ANO4: variants seen among roughly 807,000 people sequenced by gnomAD.
The protein encoded by ANO4 is anoctamin-4.
Under a neutral mutation model 141.9 loss-of-function variants are expected in ANO4, and 69 were observed. The ratio of observed to expected loss-of-function variants is 0.49; its 90% CI spans 0.40 to 0.59. The LOEUF is 0.59. Ranked by LOEUF, ANO4 falls within the 20% of genes least tolerant of loss-of-function variation. The probability of loss-of-function intolerance (pLI) is 0.00; values close to 1 mark genes in which losing one functional copy is unlikely to be tolerated. For synonymous variants in ANO4, 350 were observed against 394.3 expected (o/e 0.89, Z 1.33); for missense variants, 894 against 1,162.2 (o/e 0.77, Z 3.36).
At chr12:101,089,097 A>G (rs2049633788) in intron 17 of ANO4, among the ~76,000 whole-genome samples, 1 of 152,100 alleles carries the variant, frequency 6.6e-6, no homozygotes, top group Non-Finnish European at 1.5e-5. Context: ...AAGGCCAACT[A>G]ATTTAATACT....
intron 23 of ANO4, 137 bp from the exon 24 acceptor site, chr12:101,111,426 T>G: frequency 1.3e-6 from 1 of 754,306 alleles, no homozygotes; most frequent in Non-Finnish European, 2.0e-6. Flanking sequence ...AAATCTTTCC[T>G]CCTGGTTGCA....
chr12:100,951,510 A>G (rs2042968627), intron 5 of ANO4, among the ~76,000 whole-genome samples: 1 of 152,274 alleles, frequency 6.6e-6, no homozygotes, highest in Non-Finnish European at 1.5e-5. Flanking sequence ...GCTATTAAAA[A>G]GAACAAGATC....
chr12:101,097,564 A>G (rs2050033995), intron 19 of ANO4, 87 bp from the exon 20 acceptor site: 4 of 1,288,198 alleles, frequency 3.1e-6, no homozygotes, highest in African/African-American at 1.5e-5. Flanking sequence ...AGTCATTCAC[A>G]TTGGAGAATG....
chr12:101,104,615 GTATGTATGTGTGTATATATATATATATA>G (rs1349772946), intron 22 of ANO4, among the ~76,000 whole-genome samples: 1 of 66,090 alleles, frequency 1.5e-5, no homozygotes, highest in African/African-American at 8.5e-5. Context: ...GTGTGTGTGT[GTATGTATGTGTGTATATATATATATATA>G]TATATATATA....
chr12:100,890,190 A>G (rs1415029497), intron 1 of ANO4, among the ~76,000 whole-genome samples: 2 of 152,158 alleles, frequency 1.3e-5, no homozygotes, highest in Admixed American at 6.5e-5. Context: ...TTAAACTCCC[A>G]TTTTGTAAAA....
chr12:100,987,488 G>T, intron 7 of ANO4, 51 bp from the exon 8 acceptor site: 1 of 1,593,702 alleles, frequency 6.3e-7, no homozygotes, highest in South Asian at 1.2e-5. Flanking sequence ...CTGTGTTTCA[G>T]GGCATTGCTG....
At chr12:101,045,167 T>G (rs1003534723) in intron 13 of ANO4, among the ~76,000 whole-genome samples, 1 of 152,246 alleles carries the variant, frequency 6.6e-6, no homozygotes, top group South Asian at 2.1e-4. Flanking sequence ...ATAATAATTA[T>G]AATAGTTACA....
intron 22 of ANO4, among the ~76,000 whole-genome samples, chr12:101,104,521 T>C (rs1023805734): frequency 3.3e-5 from 5 of 149,960 alleles, no homozygotes; most frequent in Admixed American, 3.3e-4. Context: ...TGCTCTGTCA[T>C]TGATTCTAAT....
intron 24 of ANO4, among the ~76,000 whole-genome samples, chr12:101,115,846 C>T (rs757817223): frequency 2.0e-5 from 3 of 152,178 alleles, no homozygotes; most frequent in Non-Finnish European, 4.4e-5. Context: ...TTCCTCCAAT[C>T]AGATCGATTC....
At chr12:100,844,515 G>A (rs1207428158) in intron 1 of ANO4, among the ~76,000 whole-genome samples, 3 of 152,170 alleles carry the variant, frequency 2.0e-5, no homozygotes, top group Non-Finnish European at 4.4e-5. Context: ...GGGGAAGTGG[G>A]GATGGAGAAG....
intron 22 of ANO4, among the ~76,000 whole-genome samples, chr12:101,101,017 T>C (rs2050165202): frequency 6.6e-6 from 1 of 152,214 alleles, no homozygotes; most frequent in Admixed American, 6.5e-5. Flanking sequence ...CTCCCATTTA[T>C]TTACATATTA....
intron 22 of ANO4, among the ~76,000 whole-genome samples, chr12:101,108,777 C>G (rs2050549620): frequency 6.6e-6 from 1 of 151,966 alleles, no homozygotes; most frequent in Non-Finnish European, 1.5e-5. Context: ...GAAACCACCT[C>G]CTTTTGAAAA....
At chr12:101,106,266 G>C (rs958110473) in intron 22 of ANO4, among the ~76,000 whole-genome samples, 2 of 152,032 alleles carry the variant, frequency 1.3e-5, no homozygotes, top group Non-Finnish European at 1.5e-5. Flanking sequence ...AGCCAAAAAG[G>C]CTGAAATATT....
chr12:101,006,165 A>G (rs930108002), intron 8 of ANO4, among the ~76,000 whole-genome samples: 2 of 152,178 alleles, frequency 1.3e-5, no homozygotes, highest in African/African-American at 4.8e-5. Flanking sequence ...CTACTGTGAT[A>G]CTTTACTTAT....
At chr12:101,035,477 T>G (rs1249542954) in intron 9 of ANO4, among the ~76,000 whole-genome samples, 2 of 152,216 alleles carry the variant, frequency 1.3e-5, no homozygotes, top group Admixed American at 1.3e-4. Flanking sequence ...AGTATATACT[T>G]ATGTCGAAAC....
At chr12:100,748,945 T>C (rs1455870626) in intron 3 of ANO4, among the ~76,000 whole-genome samples, 2 of 152,152 alleles carry the variant, frequency 1.3e-5, no homozygotes, top group Admixed American at 6.5e-5. Context: ...AGTGTGAATA[T>C]GAGGGTTAAC....
chr12:100,982,437 C>T (rs1429779268), intron 7 of ANO4, among the ~76,000 whole-genome samples: 1 of 152,088 alleles, frequency 6.6e-6, no homozygotes, highest in Non-Finnish European at 1.5e-5. Flanking sequence ...TCAGGGTTAA[C>T]TATTTAGGGA....
rs76274812 is a variant in ANO4, at chr12:101,094,339, G to T, written c.1738+47G>T. On this transcript the variant is annotated intron_variant, in intron 18 of 27. Coordinates refer to ENST00000392977, the MANE Select transcript of ANO4 (RefSeq NM_001286615.2). Reference sequence around the variant, plus strand: ...TCATAGAACTGTACTGTGGGCTAGAGAGTATGGTTCAAAGATTCCTTTCTC... The same window carrying T: ...TCATAGAACTGTACTGTGGGCTAGATAGTATGGTTCAAAGATTCCTTTCTC... 0.012 allele frequency: 17,945 copies of T among 1,490,268 alleles called. 1,283 individuals are homozygous for T. The African/African-American group carries it at 0.18, about 15-fold the overall frequency. 92.3% of individuals were successfully genotyped at this position (1,490,268 alleles called of 1,614,324 possible).
At chr12:100,799,986 C>T (rs1026216232) in intron 1 of ANO4, among the ~76,000 whole-genome samples, 2 of 152,152 alleles carry the variant, frequency 1.3e-5, no homozygotes, top group African/African-American at 2.4e-5. Context: ...ATCTGTCTCA[C>T]TGGTGTCCAT....
Sources: allele counts gnomAD v4.1 joint callset (sites outside exome capture counted in the v4.1 genomes callset), GRCh38; gene constraint gnomAD v4.1.1; transcripts MANE v1.5; gene names NCBI Gene and HGNC (gene_info 2026-07-23, HGNC 2026-07-21).